AMPD3: variants seen among roughly 807,000 people sequenced by gnomAD.
The protein encoded by AMPD3 is AMP deaminase 3.
AMPD3 carries 57 observed loss-of-function variants against 82.3 expected under a neutral mutation model. That is an observed-to-expected ratio of 0.69 (90% CI 0.56 to 0.86). AMPD3 has a LOEUF of 0.86. Ranked by LOEUF, AMPD3 falls within the 40% of genes least tolerant of loss-of-function variation. The pLI, the probability that AMPD3 is intolerant of heterozygous loss-of-function variation, is 0.00. For synonymous variants in AMPD3, 381 were observed against 394.7 expected, an observed-to-expected ratio of 0.97 and a Z score of 0.41; for missense variants, 870 against 1,003.8, an observed-to-expected ratio of 0.87 and a Z score of 1.80.
intron 2 of AMPD3, chr11:10,473,741 T>A (rs1165371923): frequency 2.6e-6 from 1 of 381,074 alleles, no homozygotes; most frequent in Admixed American, 6.4e-5. Flanking sequence ...AGGGAAGGTG[T>A]CAGCCCCTCT....
In AMPD3 at chr11:10,502,572, C is replaced by A. The variant is rs1849608862; in HGVS notation, c.1843-149C>A. 3.9e-5 allele frequency: 62 copies of A among 1,579,174 alleles called. No homozygotes were observed. The South Asian group carries it at 6.4e-4, about 16-fold the overall frequency. ...GGGAGAGTGGGTCTGAGTGTCCTGG[C>A]TTCGAGGAACTCGGGTTGAGGACTT... On this transcript the variant is annotated intron_variant, in intron 12 of 14. Coordinates refer to ENST00000396553, the MANE Select transcript of AMPD3 (RefSeq NM_001025389.2).
chr11:10,490,744 C>A (rs538970950), intron 6 of AMPD3: 4 of 721,674 alleles, frequency 5.5e-6, no homozygotes, highest in Non-Finnish European at 6.8e-6. Flanking sequence ...GAGGACAGGA[C>A]CAGAAAGCCC....
intron 2 of AMPD3, among the ~76,000 whole-genome samples, chr11:10,463,360 A>G (rs1848327178): frequency 5.9e-5 from 9 of 152,178 alleles, no homozygotes; most frequent in Admixed American, 5.9e-4. Context: ...CACTGGTGCC[A>G]TTGGTTAACC....
chr11:10,503,373 G>A (rs559735984), intron 13 of AMPD3, among the ~76,000 whole-genome samples: 1 of 152,296 alleles, frequency 6.6e-6, no homozygotes, highest in East Asian at 1.9e-4. Flanking sequence ...AAAAGAGGAA[G>A]CTAACAGTGG....
Position 10,488,464 on chromosome 11 carries a change from T to C in AMPD3, c.939+1100T>C, listed in dbSNP as rs1245181693. On this transcript the variant is annotated intron_variant, in intron 6 of 14. Transcript: ENST00000396553. ...TGCAAATGTCAGGAGGGAGGGATGG[T>C]ATGAGAGAGTCGAGAGAGTCAGAAC... The C allele has an allele frequency of 3.4e-6, 3 of 876,104 alleles. No homozygotes were observed. The African/African-American group carries it at 7.7e-5, about 22-fold the overall frequency. The allele number at this position is 876,104 out of a possible 1,614,324, so 54.3% of individuals were successfully genotyped here. A position where few individuals can be genotyped will look rare whatever the true frequency, so the allele number is the denominator to read the frequency against.
chr11:10,451,108 G>T, upstream of AMPD3: 1 of 1,540,666 alleles, frequency 6.5e-7, no homozygotes, highest in East Asian at 2.4e-5. Context: ...GGCCCAGGCG[G>T]GAATCAGCAG....
chr11:10,502,485 G>C, intron 12 of AMPD3: 1 of 985,458 alleles, frequency 1.0e-6, no homozygotes, highest in Non-Finnish European at 1.2e-6. Context: ...ACTTCCAACA[G>C]TGGGTAGAGG....
At chr11:10,491,304 G>C (rs1300158714) in intron 6 of AMPD3, among the ~76,000 whole-genome samples, 1 of 152,168 alleles carries the variant, frequency 6.6e-6, no homozygotes, top group Admixed American at 6.5e-5. Flanking sequence ...CAGCTTAGCT[G>C]GGGCTTCATT....
At chr11:10,494,648 C>T (rs529514613) in intron 7 of AMPD3, 6 of 985,374 alleles carry the variant, frequency 6.1e-6, no homozygotes, top group East Asian at 1.1e-4. Context: ...TGTCCTGAGC[C>T]GAGCTGTGGT....
At chr11:10,459,823 G>T (rs1298513755) in intron 1 of AMPD3, among the ~76,000 whole-genome samples, 24 of 151,922 alleles carry the variant, frequency 1.6e-4, no homozygotes, top group Admixed American at 1.5e-3. Flanking sequence ...CAGGTGCCTG[G>T]GTTCAGATCC....
chr11:10,484,429 G>A (rs573589675), intron 4 of AMPD3: 7 of 985,274 alleles, frequency 7.1e-6, no homozygotes, highest in African/African-American at 3.5e-5. Flanking sequence ...AGAAGACACC[G>A]CTGCTCTTTT....
chr11:10,476,966 G>C, intron 2 of AMPD3: 1 of 985,450 alleles, frequency 1.0e-6, no homozygotes, highest in Non-Finnish European at 1.2e-6. Context: ...CTGAAAAGGA[G>C]CCACCTCTGT....
intron 2 of AMPD3, among the ~76,000 whole-genome samples, chr11:10,476,303 A>G (rs932603707): frequency 6.6e-6 from 1 of 152,174 alleles, no homozygotes; most frequent in Non-Finnish European, 1.5e-5. Flanking sequence ...CTGGAGCTCA[A>G]CTGAAGACCA....
intron 3 of AMPD3, among the ~76,000 whole-genome samples, chr11:10,480,840 G>A (rs918338257): frequency 6.6e-6 from 1 of 152,200 alleles, no homozygotes; most frequent in Non-Finnish European, 1.5e-5. Flanking sequence ...TCTGGGCTAT[G>A]CCAGCATATG....
intron 13 of AMPD3, among the ~76,000 whole-genome samples, chr11:10,503,201 A>G (rs575417933): frequency 1.3e-5 from 2 of 152,328 alleles, no homozygotes; most frequent in Non-Finnish European, 2.9e-5. Context: ...GTTCTTCTTC[A>G]TCTGTAAAAT....
Position 10,505,867 on chromosome 11 carries a change from A to G in AMPD3, c.2287A>G (p.Thr763Ala). 2 of 1,614,170 alleles carry G rather than the reference A, an allele frequency of 1.2e-6. No individual in the cohort carries two copies. The highest frequency in any genetic ancestry group is 1.3e-5 in the African/African-American group (1 of 75,052). The change falls in exon 15 of 15, where the codon ACC becomes GCC. Residue 763 changes from threonine (T) to alanine (A), a missense_variant. By Grantham distance (58) the Thr-to-Ala change is moderately conservative (BLOSUM62 0). Transcript: ENST00000396553. ...TGATGCTATGAAATCAGAAGAGATC[A>G]CCGCCTTGACCAACTAGGTCCAGCA... ...LSDAMKSEEI[T>A]ALTN
intron 8 of AMPD3, 107 bp from the exon 9 acceptor site, chr11:10,495,463 G>A (rs1849365794): frequency 1.3e-6 from 2 of 1,593,746 alleles, no homozygotes; most frequent in Non-Finnish European, 8.5e-7. Context: ...TTCCAGCCTG[G>A]GAGCAAGGTG....
intron 10 of AMPD3, chr11:10,497,517 G>A: frequency 2.1e-6 from 2 of 936,306 alleles, no homozygotes; most frequent in Non-Finnish European, 2.5e-6. Context: ...GGGGGTATCA[G>A]ATGGTGATAC....
chr11:10,505,289 G>A (rs1849686760), intron 14 of AMPD3: 1 of 985,298 alleles, frequency 1.0e-6, no homozygotes, highest in African/African-American at 1.7e-5. Context: ...TGATGATGCA[G>A]CAGAGTTAAA....
Sources: gnomAD v4.1 joint callset for allele counts (sites outside exome capture counted in the v4.1 genomes callset) on GRCh38, gnomAD v4.1.1 for gene constraint, MANE v1.5 for transcripts, NCBI Gene and HGNC (gene_info 2026-07-23, HGNC 2026-07-21) for gene names.